The following CENPF variants were observed in gnomAD, a reference collection of about 807,000 sequenced individuals.
CENPF encodes centromere protein F.
Under a neutral mutation model 307.3 loss-of-function variants are expected in CENPF, and 214 were observed. That is an observed-to-expected ratio of 0.70 (90% confidence interval 0.62 to 0.78). The LOEUF is 0.78. CENPF is among the 30% of genes least tolerant of loss of function. The pLI is 0.00. For missense variants in CENPF, 3,401 were observed against 3,483.9 expected, an observed-to-expected ratio of 0.98 and a Z score of 0.60; for synonymous variants, 1,259 against 1,270.6, an observed-to-expected ratio of 0.99 and a Z score of 0.19.
At chr1:214,639,816 T>G in intron 11 of CENPF, 105 bp from the exon 12 acceptor site, 8 of 559,456 alleles carry the variant, frequency 1.4e-5, no homozygotes, top group East Asian at 3.6e-5. Flanking sequence ...CTTGAGTAGT[T>G]GTTAGTTTGT....
intron 7 of CENPF, among the ~76,000 whole-genome samples, chr1:214,626,071 C>T (rs1223753501): frequency 6.6e-6 from 1 of 152,044 alleles, no homozygotes; most frequent in East Asian, 1.9e-4. Context: ...CCTAGATTTC[C>T]TTCCAGTTTC....
chr1:214,657,760 A>C (rs551761157), intron 18 of CENPF, among the ~76,000 whole-genome samples: 1 of 152,242 alleles, frequency 6.6e-6, no homozygotes, highest in East Asian at 1.9e-4. Flanking sequence ...TGGAGGGTGC[A>C]CCCTGTGATG....
chr1:214,609,320 C>A (rs982807976), intron 1 of CENPF, among the ~76,000 whole-genome samples: 1 of 152,190 alleles, frequency 6.6e-6, no homozygotes, highest in Non-Finnish European at 1.5e-5. Context: ...ACGGCATTCA[C>A]TCTTCATTCA....
In CENPF at chr1:214,637,853, A is replaced by G. The variant is rs776641810; in HGVS notation, c.1447-13A>G. The G allele has an allele frequency of 1.1e-5, 18 of 1,599,294 alleles. No homozygotes were observed. The highest frequency in any genetic ancestry group is 1.5e-5 in the Non-Finnish European group (18 of 1,176,814). ...TTCGTTTTGGCTATAACCAATTAAA[A>G]TGTGTGTTTTAGGAAATGAAGAAGG... On this transcript the variant is annotated splice_polypyrimidine_tract_variant and intron_variant, in intron 10 of 19. Transcript: ENST00000366955.
At chr1:214,605,448 T>G (rs1023168126) in intron 1 of CENPF, 2 of 518,884 alleles carry the variant, frequency 3.9e-6, no homozygotes, top group Non-Finnish European at 6.9e-6. Flanking sequence ...TTTGTTTTTT[T>G]TTTTTTTTAA....
chr1:214,643,256 G>A lies in CENPF; in HGVS notation c.4918G>A (p.Val1640Ile), dbSNP rs368361831. The change falls in exon 12 of 20, where the codon GTA becomes ATA. Residue 1640 changes from valine (V) to isoleucine (I), a missense_variant. Physicochemically the swap from Val to Ile is conservative, Grantham distance 29. Coordinates refer to ENST00000366955, the MANE Select transcript of CENPF (RefSeq NM_016343.4). ...GGAACAACTGTCACTTGAGCTGGAAGTAGCACGACTCCAGCTACAAGGTCT... is the reference window on the plus strand; with the variant it reads ...GGAACAACTGTCACTTGAGCTGGAAATAGCACGACTCCAGCTACAAGGTCT... ...QTEQLSLELEVARLQLQGLDL... is the reference protein window; with the variant it reads ...QTEQLSLELEIARLQLQGLDL... 1 of 1,575,856 alleles carries A rather than the reference G, an allele frequency of 6.3e-7. No homozygotes were observed. Among genetic ancestry groups the A allele is most frequent in the African/African-American group, 1.4e-5 (1 of 73,018 alleles).
At chr1:214,652,244 C>G (rs1034964285) in intron 15 of CENPF, among the ~76,000 whole-genome samples, 2 of 150,798 alleles carry the variant, frequency 1.3e-5, no homozygotes, top group South Asian at 2.1e-4. Flanking sequence ...ACTGTGTTAG[C>G]CAGGATGGTC....
In CENPF at chr1:214,645,611, A is replaced by G; in HGVS notation, c.6041A>G (p.Glu2014Gly). The change falls in exon 13 of 20, where the codon GAA (glutamate) becomes GGA (glycine). Residue 2014 changes from glutamate (E) to glycine (G), a missense_variant. Transcript: ENST00000366955. ...GAGGCAGAGGTGAAGGAAAAGACGGAACTCCTTCAGACTTTGTCCTCTGAT... is the reference window on the plus strand; with the variant it reads ...GAGGCAGAGGTGAAGGAAAAGACGGGACTCCTTCAGACTTTGTCCTCTGAT... ...VAEAEVKEKT[E>G]LLQTLSSDVS... 1 of 1,614,192 alleles carries G rather than the reference A, an allele frequency of 6.2e-7. No homozygotes were observed. The highest frequency in any genetic ancestry group is 1.1e-5 in the South Asian group (1 of 91,086).
At position 214,640,063 on chromosome 1, in the gene CENPF, G is replaced by C; in HGVS notation, c.1725G>C (p.Lys575Asn). Residue 575 changes from lysine to asparagine, a missense_variant, in exon 12 of 20, where the codon AAG (lysine) becomes AAC (asparagine). Lys to Asn is a moderately conservative substitution (Grantham distance 94, BLOSUM62 0). Coordinates refer to ENST00000366955, the MANE Select transcript of CENPF (RefSeq NM_016343.4). ...KQRDCSQDLLKKREHHIEQLN... is the reference protein window; with the variant it reads ...KQRDCSQDLLNKREHHIEQLN... ...GAGATTGTTCTCAAGACCTTTTGAA[G>C]AAAAGAGAACATCACATTGAACAAC... 1 of 1,601,876 alleles carries C rather than the reference G, an allele frequency of 6.2e-7. No individual in the cohort carries two copies. Among genetic ancestry groups the C allele is most frequent in the Non-Finnish European group, 8.5e-7 (1 of 1,177,290 alleles).
In CENPF at chr1:214,645,941, TGA is replaced by T; in HGVS notation, c.6375_6376del (p.Arg2125SerfsTer4). 1 of 1,613,938 alleles carries T rather than the reference TGA, an allele frequency of 6.2e-7. No individual in the cohort carries two copies. The highest frequency in any genetic ancestry group is 8.5e-7 in the Non-Finnish European group (1 of 1,179,992). ...CAGCTGAGAAGAGGCATCGAGAAAC[TGA>T]GAGTTCGCATTGAGGCCGATGAAAA... is the stretch of plus-strand genomic sequence containing the variant. On this transcript the variant is annotated frameshift_variant, in exon 13 of 20. Transcript: ENST00000366955. LOFTEE classifies it high-confidence loss of function.
rs1558188448 is a variant in CENPF at position 214,648,828 on chromosome 1, G to C, written c.7983+1G>C. 6.2e-7 allele frequency: 1 copy of C among 1,612,764 alleles called. No individual in the cohort carries two copies. The highest frequency in any genetic ancestry group is 1.1e-5 in the South Asian group (1 of 90,778). ...GTTGGAAGAAATAAAGAGCAGCAAA[G>C]TAAGTTTCTTTGTGACAAGTGTTAT... On this transcript the variant is annotated splice_donor_variant, in intron 14 of 19. Coordinates refer to ENST00000366955, the MANE Select transcript of CENPF (RefSeq NM_016343.4). LOFTEE classifies it high-confidence loss of function.
rs550438953 is a variant in CENPF at position 214,642,643 on chromosome 1, G to T, written c.4305G>T (p.Leu1435=). The change falls in exon 12 of 20, where the codon CTG becomes CTT. Residue 1435 remains leucine (L), a synonymous_variant. Transcript: ENST00000366955. ...HCQMSSKMSE[L]QTYVDSLKAE... is the part of the protein sequence containing the mutation. ...AGATGAGCTCTAAAATGTCAGAGCT[G>T]CAGACCTATGTTGACTCATTAAAGG... 1.2e-6 allele frequency: 2 copies of T among 1,613,930 alleles called. No individual in the cohort carries two copies. The highest frequency in any genetic ancestry group is 1.3e-5 in the African/African-American group (1 of 75,052).
chr1:214,629,558 AT>A (rs992536797), intron 8 of CENPF, among the ~76,000 whole-genome samples: 142 of 146,430 alleles, frequency 9.7e-4, no homozygotes, highest in African/African-American at 2.4e-3. Context: ...TAACTCCAGT[AT>A]TTTTTTTTTT....
At chr1:214,651,960 C>G in intron 15 of CENPF, 74 bp downstream of exon 15, 1 of 1,172,114 alleles carries the variant, frequency 8.5e-7, no homozygotes, top group East Asian at 2.5e-5. Context: ...TTTTTTTTTC[C>G]AAAAAAAATC....
intron 19 of CENPF, among the ~76,000 whole-genome samples, chr1:214,660,568 A>G (rs1658763938): frequency 1.3e-5 from 2 of 152,202 alleles, no homozygotes; most frequent in African/African-American, 4.8e-5. Flanking sequence ...TATCCACTGG[A>G]TACTGAATAC....
Position 214,624,738 on chromosome 1 carries a change from A to G in CENPF, c.1068+2457A>G, listed in dbSNP as rs1363209459. 3.3e-5 allele frequency among the ~76,000 whole-genome samples: 5 copies of G among 151,038 alleles called. No individual in the cohort carries two copies. The East Asian group carries it at 5.8e-4, about 18-fold the overall frequency. ...TGATTTTTTTTTTTCTCTGTTTTCA[A>G]TTTCATTGATTGCTGCTTGCTTTAG... is the stretch of plus-strand genomic sequence containing the variant. On this transcript the variant is annotated intron_variant, in intron 7 of 19. Coordinates refer to ENST00000366955, the MANE Select transcript of CENPF (RefSeq NM_016343.4).
At position 214,609,095 on chromosome 1, in the gene CENPF, C is replaced by G. The variant is rs1214160974; in HGVS notation, c.-41-4619C>G. ...TGGGAAGCCCACCCCGGCCCGCGCC[C>G]CTGGGCCCCAGGGCCGCACTCCATG... On this transcript the variant is annotated intron_variant, in intron 1 of 19. Transcript: ENST00000366955. Among the ~76,000 whole-genome samples, 40 of 150,986 alleles carry G rather than the reference C, an allele frequency of 2.6e-4. 1 individual carries two copies. Among genetic ancestry groups the G allele is most frequent in the Admixed American group, 2.6e-3 (39 of 15,206 alleles).
intron 16 of CENPF, 143 bp from the exon 17 acceptor site, chr1:214,655,098 G>C: frequency 3.8e-6 from 2 of 527,834 alleles, no homozygotes; most frequent in Non-Finnish European, 6.3e-6. Flanking sequence ...AACGTGAATG[G>C]TTTTGTGCAT....
intron 15 of CENPF, among the ~76,000 whole-genome samples, 182 bp downstream of exon 15, chr1:214,652,068 A>ATT (rs35011701): frequency 2.0e-4 from 25 of 127,092 alleles, no homozygotes; most frequent in Non-Finnish European, 2.7e-4. Context: ...TTATCAGTTG[A>ATT]TTTTTTTTTT....
Sources: gnomAD v4.1 joint callset for allele counts (sites outside exome capture counted in the v4.1 genomes callset) on GRCh38, gnomAD v4.1.1 for gene constraint, MANE v1.5 for transcripts, NCBI Gene and HGNC (gene_info 2026-07-23, HGNC 2026-07-21) for gene names.